Variants in ISY1 observed in about 807,000 individuals in gnomAD.
The protein encoded by ISY1 is pre-mRNA-splicing factor ISY1 homolog.
A neutral mutation model predicts 54.4 loss-of-function variants in ISY1; 12 were observed. The observed-to-expected ratio is 0.22, with a 90% confidence interval of 0.14 to 0.36. The LOEUF is 0.36. Among genes scored for constraint, ISY1 ranks in the 10% least tolerant of loss-of-function variants. The probability of loss-of-function intolerance (pLI) is 1.00; values close to 1 mark genes in which losing one functional copy is unlikely to be tolerated. For synonymous variants in ISY1, 96 were observed against 117.9 expected, an observed-to-expected ratio of 0.81 and a Z score of 1.20; for missense variants, 282 against 342.2, an observed-to-expected ratio of 0.82 and a Z score of 1.39.
intron 7 of ISY1, among the ~76,000 whole-genome samples, chr3:129,138,549 C>G (rs1278679833): frequency 6.6e-6 from 1 of 152,028 alleles, no homozygotes; most frequent in Non-Finnish European, 1.5e-5. Context: ...GAGGCTGAGG[C>G]AGGAGAATGG....
chr3:129,158,399 T>C (rs1455057428), intron 3 of ISY1, 109 bp downstream of exon 3: 2 of 1,476,216 alleles, frequency 1.4e-6, no homozygotes, highest in East Asian at 2.3e-5. Flanking sequence ...ACTCAAGTGA[T>C]CCACCCACCT....
Position 129,140,304 on chromosome 3 carries a change from T to C in ISY1, c.418+64A>G. 2.1e-6 allele frequency: 3 copies of C among 1,425,402 alleles called. No individual in the cohort carries two copies. The East Asian group carries it at 6.9e-5, about 33-fold the overall frequency. 88.3% of individuals were successfully genotyped at this position (1,425,402 alleles called of 1,614,324 possible). On this transcript the variant is annotated intron_variant, in intron 7 of 10. Coordinates refer to ENST00000393295, the MANE Select transcript of ISY1 (RefSeq NM_020701.4). ...GAAAAAAAAGTAAGAGCAGTTAGCA[T>C]ATAGCATATCTACTCTTATGATTAT... is the stretch of plus-strand genomic sequence containing the variant.
chr3:129,147,506 G>C (rs913681404), intron 5 of ISY1, among the ~76,000 whole-genome samples: 2 of 152,172 alleles, frequency 1.3e-5, no homozygotes, highest in Non-Finnish European at 2.9e-5. Context: ...GAGAACTCAA[G>C]GCAGCCCAAT....
Position 129,134,876 on chromosome 3 carries a change from T to G in ISY1, c.497A>C (p.Asp166Ala). The G allele has an allele frequency of 6.2e-7, 1 of 1,611,426 alleles. No individual in the cohort carries two copies. Among genetic ancestry groups the G allele is most frequent in the Non-Finnish European group, 8.5e-7 (1 of 1,178,154 alleles). ...TTCCAAAGGCACAATAACACCATCA[T>G]CTTCATCTAGGTAACCATAGTACTC... Reference protein sequence around the residue: ...DFEYYGYLDEDDGVIVPLEQE... With the variant: ...DFEYYGYLDEADGVIVPLEQE... The change falls in exon 8 of 11, where the codon GAT (aspartate) becomes GCT (alanine). Residue 166 changes from aspartate to alanine, a missense_variant. By Grantham distance (126) the Asp-to-Ala change is moderately radical (BLOSUM62 -2). Coordinates refer to ENST00000393295, the MANE Select transcript of ISY1 (RefSeq NM_020701.4).
intron 5 of ISY1, among the ~76,000 whole-genome samples, chr3:129,148,590 A>C (rs1028409409): frequency 6.6e-6 from 1 of 152,248 alleles, no homozygotes; most frequent in South Asian, 2.1e-4. Flanking sequence ...GTTTTGAGAC[A>C]GTCTCACTCT....
At chr3:129,140,318 T>C in intron 7 of ISY1, 50 bp downstream of exon 7, 1 of 1,529,366 alleles carries the variant, frequency 6.5e-7, no homozygotes, top group Non-Finnish European at 8.9e-7. Flanking sequence ...GCATATCTAC[T>C]CTTATGATTA....
At chr3:129,160,785 G>A (rs1937284146) in intron 1 of ISY1, among the ~76,000 whole-genome samples, 188 bp downstream of exon 1, 2 of 152,276 alleles carry the variant, frequency 1.3e-5, no homozygotes, top group East Asian at 1.9e-4. Flanking sequence ...CGCGGCTCCC[G>A]AGTTTCCAGT....
At chr3:129,135,399 T>C (rs1472863860) in intron 7 of ISY1, among the ~76,000 whole-genome samples, 1 of 151,774 alleles carries the variant, frequency 6.6e-6, no homozygotes, top group Non-Finnish European at 1.5e-5. Context: ...ATGGAATTAT[T>C]TAAGTGGTAG....
rs528137280 is a variant in ISY1, at chr3:129,161,012, C to T, written c.-37G>A. 3.9e-6 allele frequency: 6 copies of T among 1,548,318 alleles called. No homozygotes were observed. In the South Asian group the frequency reaches 6.0e-5, roughly 15 times the overall value. ...GGGCGCCGTCCTGGAGCCCCGCGGC[C>T]CCTGTCCAAGAAACTCCACAGGCCC... is the stretch of plus-strand genomic sequence containing the variant. On this transcript the variant is annotated 5_prime_UTR_variant, in exon 1 of 11. Transcript: ENST00000393295.
chr3:129,157,397 T>C (rs1937173766), intron 3 of ISY1, among the ~76,000 whole-genome samples: 1 of 152,164 alleles, frequency 6.6e-6, no homozygotes, highest in Non-Finnish European at 1.5e-5. Flanking sequence ...CTCCAGTCCC[T>C]ATTCAATATT....
In ISY1 at chr3:129,129,942, G is replaced by GTCT. The variant is rs1560011909; in HGVS notation, c.*138_*139insAGA. On this transcript the variant is annotated 3_prime_UTR_variant, in exon 11 of 11. Transcript: ENST00000393295. ...GACCAGGGACAGACCCCTACCCTCC[G>GTCT]GTCAACATGAGACAAGGAGAGGGAA... The GTCT allele has an allele frequency of 5.0e-5, 31 of 616,374 alleles. No homozygotes were observed. Among genetic ancestry groups the GTCT allele is most frequent in the Non-Finnish European group, 7.9e-5 (29 of 365,980 alleles). 38.2% of individuals were successfully genotyped at this position (616,374 alleles called of 1,614,324 possible).
At chr3:129,153,290 G>A (rs1303741917) in intron 5 of ISY1, among the ~76,000 whole-genome samples, 2 of 152,160 alleles carry the variant, frequency 1.3e-5, no homozygotes, top group Non-Finnish European at 2.9e-5. Context: ...AGTTACAGGC[G>A]TGAGCCACGG....
intron 7 of ISY1, among the ~76,000 whole-genome samples, chr3:129,138,817 A>C (rs1475994722): frequency 2.0e-5 from 3 of 147,772 alleles, no homozygotes; most frequent in African/African-American, 7.9e-5. Context: ...TCCATCTCAA[A>C]AAAAAAAAAA....
intron 6 of ISY1, among the ~76,000 whole-genome samples, chr3:129,141,716 T>C (rs1936622300): frequency 1.3e-5 from 2 of 151,426 alleles, no homozygotes; most frequent in South Asian, 4.2e-4. Flanking sequence ...ATCACACCAC[T>C]GCACTCCAGC....
intron 6 of ISY1, among the ~76,000 whole-genome samples, chr3:129,143,030 G>C (rs948315701): frequency 6.6e-6 from 1 of 151,974 alleles, no homozygotes; most frequent in Non-Finnish European, 1.5e-5. Context: ...ACTCCAGCCT[G>C]GGTGACAGAG....
chr3:129,134,281 GA>G, intron 8 of ISY1, 86 bp from the exon 9 acceptor site: 2 of 1,589,036 alleles, frequency 1.3e-6, no homozygotes, highest in South Asian at 1.1e-5. Context: ...ACTATGCAGG[GA>G]AAGTCTAGAC....
At chr3:129,135,038 C>G (rs533786753) in intron 7 of ISY1, 84 bp from the exon 8 acceptor site, 1 of 1,467,652 alleles carries the variant, frequency 6.8e-7, no homozygotes, top group Non-Finnish European at 9.1e-7. Flanking sequence ...GCTATACACA[C>G]ACGTGGCACG....
intron 5 of ISY1, among the ~76,000 whole-genome samples, chr3:129,154,692 C>CTTTT (rs71153171): frequency 1.5e-5 from 2 of 136,544 alleles, no homozygotes; most frequent in Non-Finnish European, 3.1e-5. Flanking sequence ...TTTTATTGAT[C>CTTTT]TTTTTTTTTT....
chr3:129,154,000 T>C (rs1055979486), intron 5 of ISY1, among the ~76,000 whole-genome samples: 5 of 151,404 alleles, frequency 3.3e-5, no homozygotes, highest in Admixed American at 6.6e-5. Context: ...CCCAGCACTT[T>C]GGGAGGCCGA....
Sources: gnomAD v4.1 joint callset for allele counts (sites outside exome capture counted in the v4.1 genomes callset) on GRCh38, gnomAD v4.1.1 for gene constraint, MANE v1.5 for transcripts, NCBI Gene and HGNC (gene_info 2026-07-23, HGNC 2026-07-21) for gene names.